The following AP1S2 variants were observed in gnomAD, a reference collection of about 807,000 sequenced individuals.
AP1S2 encodes AP-1 complex subunit sigma-2.
AP1S2 carries 1 observed loss-of-function variant against 14.3 expected under a neutral mutation model. The ratio of observed to expected loss-of-function variants is 0.07; its 90% CI spans 0.02 to 0.33. The LOEUF (loss-of-function observed/expected upper bound fraction) is 0.33, where lower values mean the gene tolerates loss of function less well. Among genes scored for constraint, AP1S2 ranks in the 10% least tolerant of loss-of-function variants. AP1S2 has a pLI of 0.99. For synonymous variants in AP1S2, 30 were observed against 40.5 expected, an observed-to-expected ratio of 0.74 and a Z score of 0.99; for missense variants, 30 against 117.7, an observed-to-expected ratio of 0.25 and a Z score of 3.45.
At position 15,827,532 on chromosome X, in the gene AP1S2, T is replaced by A. The variant is rs186517866; in HGVS notation, c.436-160A>T. The stretch of plus-strand genomic sequence containing the variant: ...CAGCCATTGGTTATTTAGGGTTTTG[T>A]GCCCTCAAAATTGGAGACCACAAAA... On this transcript the variant is annotated intron_variant, in intron 5 of 5. Coordinates refer to ENST00000672987, the MANE Select transcript of AP1S2 (RefSeq NM_001272071.2). Among the ~76,000 whole-genome samples, 5 of 111,888 alleles carry A rather than the reference T, an allele frequency of 4.5e-5. No individual in the cohort carries two copies. In the East Asian group the frequency reaches 1.1e-3, roughly 25 times the overall value.
chrX:15,852,258 T>C (rs1320429343), intron 2 of AP1S2, 88 bp downstream of exon 2: 1 of 860,434 alleles, frequency 1.2e-6, no homozygotes, highest in Admixed American at 3.0e-5. Context: ...TTAATCGTTA[T>C]TTATAAATGT....
chrX:15,828,165 AT>A, intron 5 of AP1S2, 26 bp downstream of exon 5: 2 of 1,077,381 alleles, frequency 1.9e-6, no homozygotes, highest in African/African-American at 1.8e-5. Context: ...AATAATATAA[AT>A]TTTTGGCATC....
chrX:15,851,949 ATTACT>A (rs1440726599), intron 2 of AP1S2, among the ~76,000 whole-genome samples: 1 of 112,285 alleles, frequency 8.9e-6, no homozygotes, highest in Non-Finnish European at 1.9e-5. Context: ...AATATTAGTC[ATTACT>A]TTATAGATTT....
At chrX:15,835,068 A>G (rs988366097) in intron 4 of AP1S2, among the ~76,000 whole-genome samples, 1 of 112,020 alleles carries the variant, frequency 8.9e-6, no homozygotes, top group African/African-American at 3.2e-5. Context: ...CTGATAAAAT[A>G]GGAATTATCT....
chrX:15,846,442 AT>A (rs1364611221), intron 2 of AP1S2, among the ~76,000 whole-genome samples: 1 of 111,796 alleles, frequency 8.9e-6, no homozygotes, highest in East Asian at 2.8e-4. Context: ...ATATTTTGGG[AT>A]ATTTTATTGG....
chrX:15,839,115 C>T (rs752102468), intron 4 of AP1S2, among the ~76,000 whole-genome samples: 1 of 112,039 alleles, frequency 8.9e-6, no homozygotes, highest in South Asian at 3.7e-4. Flanking sequence ...TCCTTTCAAG[C>T]ACTTCCATTT....
intron 4 of AP1S2, among the ~76,000 whole-genome samples, chrX:15,834,480 A>ATATATAT (rs1483118039): frequency 4.9e-3 from 99 of 20,238 alleles, no homozygotes; most frequent in Non-Finnish European, 5.4e-3. Flanking sequence ...ATATATATAT[A>ATATATAT]ATTTTTTTTT....
At chrX:15,837,082 T>C (rs180701556) in intron 4 of AP1S2, among the ~76,000 whole-genome samples, 45 of 111,331 alleles carry the variant, frequency 4.0e-4, no homozygotes, top group African/African-American at 1.2e-3. Flanking sequence ...AATTTTAGAC[T>C]GCAAAGAAAT....
At chrX:15,854,218 C>T (rs1207918810) in intron 1 of AP1S2, among the ~76,000 whole-genome samples, 1 of 112,413 alleles carries the variant, frequency 8.9e-6, no homozygotes, top group Admixed American at 9.3e-5. Context: ...GGCTCAGCCG[C>T]GGCGCGGGCT....
chrX:15,854,644 CT>C, intron 1 of AP1S2, 43 bp downstream of exon 1: 4 of 594,943 alleles, frequency 6.7e-6, no homozygotes, highest in Non-Finnish European at 6.1e-6. Flanking sequence ...CTCCCTCCCC[CT>C]CTCCCCCATC....
At chrX:15,832,670 T>G in intron 4 of AP1S2, 13 of 819,064 alleles carry the variant, frequency 1.6e-5, no homozygotes, top group Non-Finnish European at 1.8e-5. Flanking sequence ...TGATTCACAG[T>G]ATTTAATGAA....
intron 4 of AP1S2, among the ~76,000 whole-genome samples, chrX:15,835,949 AAAT>A (rs1031839272): frequency 5.4e-5 from 6 of 110,327 alleles, no homozygotes; most frequent in African/African-American, 6.6e-5. Context: ...ACAAAAAATA[AAAT>A]AATAATAATA....
At chrX:15,847,952 C>T (rs1004429677) in intron 2 of AP1S2, among the ~76,000 whole-genome samples, 5 of 111,775 alleles carry the variant, frequency 4.5e-5, no homozygotes, top group Non-Finnish European at 7.5e-5. Flanking sequence ...AGCTAATGCT[C>T]GTACCATCCT....
intron 4 of AP1S2, among the ~76,000 whole-genome samples, chrX:15,842,225 A>T (rs1182232992): frequency 1.8e-5 from 2 of 112,365 alleles, no homozygotes; most frequent in Admixed American, 9.4e-5. Flanking sequence ...ATAATATTCA[A>T]ATACTCTCCC....
rs1206835769 is a variant in AP1S2, at chrX:15,826,953, CAT to C, written c.*370_*371del. The C allele has an allele frequency of 1.6e-5, 2 of 122,806 alleles. No homozygotes were observed. The highest frequency in any genetic ancestry group is 3.2e-5 in the Non-Finnish European group (2 of 61,865). The allele number at this position is 122,806 out of a possible 1,213,427, so 10.1% of individuals were successfully genotyped here. On this transcript the variant is annotated 3_prime_UTR_variant, in exon 6 of 6. Coordinates refer to ENST00000672987, the MANE Select transcript of AP1S2 (RefSeq NM_001272071.2). ...TTTGGTTTCATAAAACCAGGTTTCACATTATAATTTAAGAGTTTCCTTTGTCA... is the reference window on the plus strand; with the variant it reads ...TTTGGTTTCATAAAACCAGGTTTCACTATAATTTAAGAGTTTCCTTTGTCA...
At chrX:15,852,220 C>A (rs1241773483) in intron 2 of AP1S2, 126 bp downstream of exon 2, 1 of 650,953 alleles carries the variant, frequency 1.5e-6, no homozygotes, top group African/African-American at 2.2e-5. Context: ...CAAAGCTTTA[C>A]CTTAAACCTA....
At chrX:15,833,142 T>C in intron 4 of AP1S2, 1 of 983,400 alleles carries the variant, frequency 1.0e-6, no homozygotes, top group Non-Finnish European at 1.3e-6. Context: ...ATCTTTTTCT[T>C]TTCTCTCTTA....
At chrX:15,840,816 CTTTAATAA>C (rs1933807956) in intron 4 of AP1S2, among the ~76,000 whole-genome samples, 1 of 111,289 alleles carries the variant, frequency 9.0e-6, no homozygotes, top group South Asian at 3.6e-4. Flanking sequence ...GCATGTTGTA[CTTTAATAA>C]TTTAAGAATC....
intron 4 of AP1S2, among the ~76,000 whole-genome samples, chrX:15,839,758 G>A (rs1394083882): frequency 1.8e-5 from 2 of 110,138 alleles, no homozygotes; most frequent in Non-Finnish European, 3.8e-5. Flanking sequence ...AAAGTGCTGG[G>A]ATTACAAGCT....
Sources: allele counts gnomAD v4.1 joint callset (sites outside exome capture counted in the v4.1 genomes callset), GRCh38; gene constraint gnomAD v4.1.1; transcripts MANE v1.5; gene names NCBI Gene and HGNC (gene_info 2026-07-23, HGNC 2026-07-21).